CCSER1: variants seen among roughly 807,000 people sequenced by gnomAD.
CCSER1 encodes the protein coiled-coil serine rich protein 1, also known as serine-rich coiled-coil domain-containing protein 1.
A neutral mutation model predicts 82.0 loss-of-function variants in CCSER1; 41 were observed. That is an observed-to-expected ratio of 0.50 (90% CI 0.39 to 0.65). The LOEUF (loss-of-function observed/expected upper bound fraction) is 0.65. Ranked by LOEUF, CCSER1 falls within the 30% of genes least tolerant of loss-of-function variation. The probability of loss-of-function intolerance (pLI) is 0.00; values close to 1 mark genes in which losing one functional copy is unlikely to be tolerated. For synonymous variants in CCSER1, 414 were observed against 383.9 expected, an observed-to-expected ratio of 1.08 and a Z score of -0.92; for missense variants, 1,119 against 1,064.2, an observed-to-expected ratio of 1.05 and a Z score of -0.72.
At chr4:91,183,591 C>T (rs1217108794) in intron 10 of CCSER1, among the ~76,000 whole-genome samples, 4 of 152,158 alleles carry the variant, frequency 2.6e-5, no homozygotes, top group Non-Finnish European at 5.9e-5. Flanking sequence ...AATCCGAGTT[C>T]TCCCAATCCC....
rs150178422 is a variant in CCSER1, at chr4:91,216,510, C to T, written c.2217+130516C>T. ...AATTTTTTTGTGTTTTTAGTAGAGA[C>T]GGGGTTTCACCGTGTTAGCCAGGAT... On this transcript the variant is annotated intron_variant, in intron 10 of 10. Coordinates refer to ENST00000509176, the MANE Select transcript of CCSER1 (RefSeq NM_001145065.2). Among the ~76,000 whole-genome samples, 1,337 of 152,100 alleles carry T rather than the reference C, an allele frequency of 8.8e-3. 28 individuals carry two copies. Among genetic ancestry groups the T allele is most frequent in the African/African-American group, 0.031 (1,294 of 41,492 alleles).
chr4:90,563,736 A>G (rs1414598050), intron 5 of CCSER1, among the ~76,000 whole-genome samples: 2 of 152,216 alleles, frequency 1.3e-5, no homozygotes, highest in Non-Finnish European at 2.9e-5. Context: ...GATTACTGCT[A>G]CAGTAAACGT....
intron 1 of CCSER1, among the ~76,000 whole-genome samples, chr4:90,139,610 A>G (rs1254005801): frequency 2.0e-5 from 3 of 152,166 alleles, no homozygotes; most frequent in South Asian, 2.1e-4. Context: ...TGAGAACACA[A>G]TTGTGTCACT....
At chr4:90,690,125 C>T (rs1283868510) in intron 6 of CCSER1, among the ~76,000 whole-genome samples, 1 of 151,890 alleles carries the variant, frequency 6.6e-6, no homozygotes, top group East Asian at 1.9e-4. Context: ...GTTTGGGGCA[C>T]CAGAAGTGAG....
intron 10 of CCSER1, among the ~76,000 whole-genome samples, chr4:91,296,115 T>C (rs532279248): frequency 6.6e-6 from 1 of 151,982 alleles, no homozygotes; most frequent in South Asian, 2.1e-4. Flanking sequence ...GTCTCAAGTC[T>C]GAGTGTATAA....
At chr4:90,413,671 A>T (rs374362880) in intron 4 of CCSER1, among the ~76,000 whole-genome samples, 1 of 152,008 alleles carries the variant, frequency 6.6e-6, no homozygotes, top group East Asian at 1.9e-4. Context: ...AGAGTCCTAA[A>T]TTAATATATG....
intron 3 of CCSER1, among the ~76,000 whole-genome samples, chr4:90,334,885 A>G (rs1427013546): frequency 6.6e-6 from 1 of 152,198 alleles, no homozygotes; most frequent in African/African-American, 2.4e-5. Flanking sequence ...CCAATTTATG[A>G]TAAACCTATT....
chr4:91,459,277 AATT>A (rs1381266934), intron 10 of CCSER1, among the ~76,000 whole-genome samples: 2 of 152,240 alleles, frequency 1.3e-5, no homozygotes, highest in East Asian at 1.9e-4. Flanking sequence ...TATAGAGCAT[AATT>A]ATTATTGAAG....
intron 10 of CCSER1, among the ~76,000 whole-genome samples, chr4:91,153,985 C>T (rs972932500): frequency 1.3e-5 from 2 of 151,918 alleles, no homozygotes; most frequent in Non-Finnish European, 2.9e-5. Flanking sequence ...GCAGTCTGTC[C>T]ATCCTCAGAT....
intron 5 of CCSER1, among the ~76,000 whole-genome samples, chr4:90,476,040 G>GTA (rs887171051): frequency 6.8e-6 from 1 of 146,504 alleles, no homozygotes; most frequent in Non-Finnish European, 1.5e-5. Flanking sequence ...GTGTGTGTGT[G>GTA]TGTGTATGTG....
At chr4:90,919,210 A>C (rs1171512034) in intron 8 of CCSER1, among the ~76,000 whole-genome samples, 6 of 151,906 alleles carry the variant, frequency 3.9e-5, no homozygotes, top group Non-Finnish European at 8.8e-5. Flanking sequence ...CAAGTATAAA[A>C]ATATATATTT....
chr4:90,206,291 G>A (rs1247870806), intron 1 of CCSER1, among the ~76,000 whole-genome samples: 3 of 152,006 alleles, frequency 2.0e-5, no homozygotes, highest in Non-Finnish European at 4.4e-5. Context: ...AGTGATGTTA[G>A]GGTGTCAATT....
chr4:91,096,905 A>T (rs559076091), intron 10 of CCSER1, among the ~76,000 whole-genome samples: 2 of 152,208 alleles, frequency 1.3e-5, no homozygotes, highest in African/African-American at 4.8e-5. Flanking sequence ...AAACCAAAGT[A>T]TCAGGCAATT....
At chr4:90,316,898 TC>T (rs906615850) in intron 3 of CCSER1, among the ~76,000 whole-genome samples, 1 of 152,210 alleles carries the variant, frequency 6.6e-6, no homozygotes, top group Non-Finnish European at 1.5e-5. Context: ...ATTAAAGGAA[TC>T]CAAAGTAAAT....
Position 91,495,454 on chromosome 4 carries a change from T to A in CCSER1, c.2218-103118T>A, listed in dbSNP as rs566663986. Among the ~76,000 whole-genome samples the A allele has an allele frequency of 4.6e-5, 7 of 151,728 alleles. No individual in the cohort carries two copies. In the South Asian group the frequency reaches 1.4e-3, roughly 31 times the overall value. On this transcript the variant is annotated intron_variant, in intron 10 of 10. Transcript: ENST00000509176. ...TCCTGCAGTTTTAGAGCTTGAATCT[T>A]ATTTTATTTTATTAGGACCATTTTA...
intron 1 of CCSER1, among the ~76,000 whole-genome samples, chr4:90,131,489 C>G (rs1722821344): frequency 6.6e-6 from 1 of 152,078 alleles, no homozygotes; most frequent in East Asian, 1.9e-4. Flanking sequence ...TAGGTTTGCT[C>G]TAAAGAAGTG....
chr4:91,115,572 G>A (rs986424340), intron 10 of CCSER1, among the ~76,000 whole-genome samples: 9 of 139,288 alleles, frequency 6.5e-5, no homozygotes, highest in Non-Finnish European at 1.3e-4. Flanking sequence ...TGATCTGCCC[G>A]CCTTGGTCAA....
At chr4:90,462,865 A>G (rs1763124607) in intron 4 of CCSER1, among the ~76,000 whole-genome samples, 1 of 152,222 alleles carries the variant, frequency 6.6e-6, no homozygotes, top group Non-Finnish European at 1.5e-5. Context: ...ACCCAAGTGC[A>G]AGATTATTAT....
At chr4:90,351,591 T>C (rs1198513847) in intron 3 of CCSER1, among the ~76,000 whole-genome samples, 6 of 152,134 alleles carry the variant, frequency 3.9e-5, no homozygotes, top group African/African-American at 1.2e-4. Context: ...ACAGTGTGTA[T>C]GTTCAACAAT....
Sources: gnomAD v4.1 joint callset for allele counts (sites outside exome capture counted in the v4.1 genomes callset) on GRCh38, gnomAD v4.1.1 for gene constraint, MANE v1.5 for transcripts, NCBI Gene and HGNC (gene_info 2026-07-23, HGNC 2026-07-21) for gene names.